LASP1: variants seen among roughly 807,000 people sequenced by gnomAD.
The protein encoded by LASP1 is LIM and SH3 protein 1, also known as LIM and SH3 domain protein 1.
In LASP1, 10 loss-of-function variants were observed where a neutral mutation model predicts 38.6. The observed-to-expected ratio is 0.26, with a 90% CI of 0.16 to 0.44. LASP1 has a LOEUF of 0.44. LASP1 is among the 20% of genes least tolerant of loss of function. LASP1 has a pLI of 1.00. For missense variants in LASP1, 243 were observed against 375.7 expected (o/e 0.65, Z 2.92); for synonymous variants, 132 against 140.8 (o/e 0.94, Z 0.44).
chr17:38,898,403 C>T lies in LASP1; in HGVS notation c.250-9C>T, dbSNP rs1444099962. On this transcript the variant is annotated splice_polypyrimidine_tract_variant and intron_variant, in intron 3 of 6. Coordinates refer to ENST00000318008, the MANE Select transcript of LASP1 (RefSeq NM_006148.4). Reference sequence around the variant, plus strand: ...CCTGACTCCAATCCCTCTTCCTCCCCTCCTGCAGGTGCGCTACAAGGAGGA... The same window carrying T: ...CCTGACTCCAATCCCTCTTCCTCCCTTCCTGCAGGTGCGCTACAAGGAGGA... 1.3e-6 allele frequency: 2 copies of T among 1,542,286 alleles called. No individual in the cohort carries two copies. Among genetic ancestry groups the T allele is most frequent in the Admixed American group, 2.0e-5 (1 of 50,784 alleles).
intron 3 of LASP1, chr17:38,897,154 C>A: frequency 1.2e-6 from 1 of 869,216 alleles, no homozygotes; most frequent in Non-Finnish European, 1.4e-6. Context: ...CACATCCAAG[C>A]CCTTCTTGTC....
intron 2 of LASP1, among the ~76,000 whole-genome samples, chr17:38,887,511 G>A (rs544923967): frequency 5.9e-5 from 9 of 152,334 alleles, no homozygotes; most frequent in African/African-American, 2.2e-4. Flanking sequence ...ACTTGGCCAC[G>A]TATTCATCAC....
intron 4 of LASP1, chr17:38,904,648 A>G (rs973044913): frequency 2.0e-5 from 3 of 152,184 alleles, no homozygotes; most frequent in Admixed American, 2.0e-4. Flanking sequence ...TAGCTACAGA[A>G]ATGGTTAAGG....
At chr17:38,881,234 C>T (rs1913940336) in intron 2 of LASP1, among the ~76,000 whole-genome samples, 1 of 152,110 alleles carries the variant, frequency 6.6e-6, no homozygotes, top group Non-Finnish European at 1.5e-5. Context: ...TCATTCCCTC[C>T]TGCTTTCTTA....
intron 4 of LASP1, among the ~76,000 whole-genome samples, chr17:38,910,050 C>T (rs985979381): frequency 1.3e-5 from 2 of 152,190 alleles, no homozygotes; most frequent in Non-Finnish European, 2.9e-5. Context: ...ACCTGGCCAT[C>T]TCATACTTTC....
At chr17:38,914,003 A>G (rs919765029) in intron 4 of LASP1, among the ~76,000 whole-genome samples, 5 of 118,814 alleles carry the variant, frequency 4.2e-5, no homozygotes, top group Admixed American at 1.8e-4. Flanking sequence ...CTCCGTCTCG[A>G]AAAAAAAAAA....
At chr17:38,914,064 C>T (rs1405108687) in intron 4 of LASP1, among the ~76,000 whole-genome samples, 1 of 151,932 alleles carries the variant, frequency 6.6e-6, no homozygotes, top group East Asian at 1.9e-4. Flanking sequence ...TCTCATGGTC[C>T]TTTTACATCG....
chr17:38,903,071 T>C (rs1314488954), intron 4 of LASP1, among the ~76,000 whole-genome samples: 1 of 152,202 alleles, frequency 6.6e-6, no homozygotes, highest in East Asian at 1.9e-4. Flanking sequence ...TGGAGGGATA[T>C]GCTGCAGACT....
At position 38,899,747 on chromosome 17, in the gene LASP1, C is replaced by CTTTTTTTTTTTTT. The variant is rs34397105; in HGVS notation, c.357+1231_357+1243dup. On this transcript the variant is annotated intron_variant, in intron 4 of 6. Coordinates refer to ENST00000318008, the MANE Select transcript of LASP1 (RefSeq NM_006148.4). ...CTTCCTACTTAGAGGGCGTTCAGAT[C>CTTTTTTTTTTTTT]TTTTTTTTTTTTTTTGAGACAGAGT... 4.2e-3 allele frequency among the ~76,000 whole-genome samples: 576 copies of CTTTTTTTTTTTTT among 136,068 alleles called. 13 individuals carry two copies. The highest frequency in any genetic ancestry group is 0.014 in the African/African-American group (529 of 37,070). 89.3% of individuals were successfully genotyped at this position (136,068 alleles called of 152,430 possible).
chr17:38,882,684 G>A (rs1422597279), intron 2 of LASP1, among the ~76,000 whole-genome samples: 1 of 152,184 alleles, frequency 6.6e-6, no homozygotes, highest in Non-Finnish European at 1.5e-5. Flanking sequence ...CAGTCCACAC[G>A]CCCAGGCTTA....
chr17:38,897,156 C>T, intron 3 of LASP1: 1 of 867,052 alleles, frequency 1.2e-6, no homozygotes, highest in Non-Finnish European at 1.4e-6. Flanking sequence ...CATCCAAGCC[C>T]TTCTTGTCTG....
chr17:38,911,564 G>GT (rs1914944344), intron 4 of LASP1, among the ~76,000 whole-genome samples: 1 of 152,204 alleles, frequency 6.6e-6, no homozygotes. Flanking sequence ...AGGGGACAGG[G>GT]TGCTGCTGAG....
At position 38,872,497 on chromosome 17, in the gene LASP1, G is replaced by T. The variant is rs1913638804; in HGVS notation, c.69+2239G>T. Among the ~76,000 whole-genome samples the T allele has an allele frequency of 5.9e-5, 9 of 152,158 alleles. No individual in the cohort carries two copies. The South Asian group carries it at 1.9e-3, about 32-fold the overall frequency. On this transcript the variant is annotated intron_variant, in intron 1 of 6. Transcript: ENST00000318008. ...TGGCCCTGGAGAGACCTCGCCCCCT[G>T]TACTGAGCAGGAGACCTGAAATATC... is the stretch of plus-strand genomic sequence containing the variant.
rs748461674 is a variant in LASP1, at chr17:38,921,346, G to A, written c.*2568G>A. 32 of 232,098 alleles carry A rather than the reference G, an allele frequency of 1.4e-4. No homozygotes were observed. Among genetic ancestry groups the A allele is most frequent in the Non-Finnish European group, 2.6e-4 (30 of 117,156 alleles). The allele number at this position is 232,098 out of a possible 1,614,324, so 14.4% of individuals were successfully genotyped here. A position where few individuals can be genotyped will look rare whatever the true frequency, so the allele number is the denominator to read the frequency against. On this transcript the variant is annotated 3_prime_UTR_variant, in exon 7 of 7. Transcript: ENST00000318008. ...AGAAGCCCAGTGGTGAGGAAAGTGC[G>A]TTCTCCCAGCACTGCCTCCTGTTTT...
chr17:38,884,519 C>A (rs552984735), intron 2 of LASP1, among the ~76,000 whole-genome samples: 2 of 151,712 alleles, frequency 1.3e-5, no homozygotes, highest in East Asian at 3.9e-4. Context: ...TCCCAAGTAG[C>A]GGGGATTACA....
At chr17:38,898,818 A>G (rs931443831) in intron 4 of LASP1, 3 of 492,970 alleles carry the variant, frequency 6.1e-6, no homozygotes, top group Non-Finnish European at 1.2e-5. Flanking sequence ...TATCGTGGGT[A>G]TCGGTGAAGA....
chr17:38,879,564 G>GTTT (rs566442320), intron 2 of LASP1, among the ~76,000 whole-genome samples: 1 of 135,850 alleles, frequency 7.4e-6, no homozygotes. Flanking sequence ...CTTGAGTCCA[G>GTTT]TTTTTTTTTT....
chr17:38,916,014 G>A (rs1915111133), intron 6 of LASP1: 1 of 152,244 alleles, frequency 6.6e-6, no homozygotes, highest in Non-Finnish European at 1.5e-5. Context: ...AGGGCACTGT[G>A]GGCGCAAGAG....
chr17:38,920,851 G>A lies in LASP1; in HGVS notation c.*2073G>A, dbSNP rs553470697. Reference sequence around the variant, plus strand: ...GCGCTGGTGCATTCTGTTTCCTCTTGATCTCAAAGCACAATGTGGATTTGG... The same window carrying A: ...GCGCTGGTGCATTCTGTTTCCTCTTAATCTCAAAGCACAATGTGGATTTGG... On this transcript the variant is annotated 3_prime_UTR_variant, in exon 7 of 7. Transcript: ENST00000318008. 215 of 232,540 alleles carry A rather than the reference G, an allele frequency of 9.2e-4. No individual in the cohort carries two copies. The highest frequency in any genetic ancestry group is 9.0e-3 in the Middle Eastern group (7 of 782). 14.4% of individuals were successfully genotyped at this position (232,540 alleles called of 1,614,324 possible).
Sources: allele counts gnomAD v4.1 joint callset (sites outside exome capture counted in the v4.1 genomes callset), GRCh38; gene constraint gnomAD v4.1.1; transcripts MANE v1.5; gene names NCBI Gene and HGNC (gene_info 2026-07-23, HGNC 2026-07-21).